CRACR2A: variants seen among roughly 807,000 people sequenced by gnomAD.
The protein encoded by CRACR2A is EF-hand calcium-binding domain-containing protein 4B.
In CRACR2A, 79 loss-of-function variants were observed where a neutral mutation model predicts 90.5. That is an observed-to-expected ratio of 0.87 (90% CI 0.73 to 1.05). CRACR2A has a LOEUF of 1.05. CRACR2A is among the 50% of genes least tolerant of loss of function. CRACR2A has a pLI of 0.00. For missense variants in CRACR2A, 823 were observed against 897.2 expected (o/e 0.92, Z 1.06); for synonymous variants, 338 against 356.7 (o/e 0.95, Z 0.59).
chr12:3,619,453 G>T, intron 17 of CRACR2A, 81 bp from the exon 18 acceptor site: 1 of 1,094,474 alleles, frequency 9.1e-7, no homozygotes, highest in Non-Finnish European at 1.4e-6. Flanking sequence ...CGGCTGGACA[G>T]ATGGGACCTC....
intron 4 of CRACR2A, among the ~76,000 whole-genome samples, chr12:3,693,675 C>T (rs994703003): frequency 1.1e-4 from 17 of 152,192 alleles, no homozygotes; most frequent in African/African-American, 4.1e-4. Flanking sequence ...ACTGAGAAGT[C>T]TGCTGTTAGT....
intron 5 of CRACR2A, among the ~76,000 whole-genome samples, chr12:3,679,630 C>A (rs1296392608): frequency 6.6e-6 from 1 of 152,194 alleles, no homozygotes; most frequent in Non-Finnish European, 1.5e-5. Flanking sequence ...TCAGGAAAGG[C>A]ATCAGATACT....
chr12:3,739,908 T>C (rs970817008), intron 1 of CRACR2A, among the ~76,000 whole-genome samples: 2 of 145,480 alleles, frequency 1.4e-5, no homozygotes, highest in Non-Finnish European at 3.0e-5. Flanking sequence ...CACTCCAGCC[T>C]GGCGACAGAG....
In CRACR2A at chr12:3,647,829, C is replaced by G. The variant is rs894009470; in HGVS notation, c.1118+713G>C. 1.7e-5 allele frequency: 17 copies of G among 983,472 alleles called. No individual in the cohort carries two copies. The African/African-American group carries it at 2.8e-4, about 16-fold the overall frequency. The allele number at this position is 983,472 out of a possible 1,614,324, so 60.9% of individuals were successfully genotyped here. A position where few individuals can be genotyped will look rare whatever the true frequency, so the allele number is the denominator to read the frequency against. Reference sequence around the variant, plus strand: ...AGTCCTTCTGTTTCCTCACCATTCCCCAAGAGGTGCTCAGCAGGCAGTGAC... The same window carrying G: ...AGTCCTTCTGTTTCCTCACCATTCCGCAAGAGGTGCTCAGCAGGCAGTGAC... On this transcript the variant is annotated intron_variant, in intron 11 of 19. Transcript: ENST00000440314.
chr12:3,676,016 T>A (rs1945329627), intron 6 of CRACR2A, among the ~76,000 whole-genome samples: 1 of 152,054 alleles, frequency 6.6e-6, no homozygotes, highest in South Asian at 2.1e-4. Flanking sequence ...TAACACTTCA[T>A]CCCTCTCTCC....
intron 4 of CRACR2A, 72 bp from the exon 5 acceptor site, chr12:3,680,421 G>A: frequency 7.5e-7 from 1 of 1,327,826 alleles, no homozygotes; most frequent in Non-Finnish European, 1.1e-6. Flanking sequence ...GGACTGCAGA[G>A]CCTTCTGCCA....
intron 6 of CRACR2A, 48 bp from the exon 7 acceptor site, chr12:3,673,640 CG>C: frequency 1.9e-6 from 3 of 1,595,686 alleles, no homozygotes; most frequent in Non-Finnish European, 2.6e-6. Flanking sequence ...TGAGGCTTCA[CG>C]GGAAATACAG....
intron 17 of CRACR2A, among the ~76,000 whole-genome samples, chr12:3,622,356 A>C (rs1215474152): frequency 6.6e-6 from 1 of 152,220 alleles, no homozygotes; most frequent in Admixed American, 6.5e-5. Flanking sequence ...CCATCTCTCC[A>C]TGTGACTCAT....
At chr12:3,693,600 A>G (rs1028194662) in intron 4 of CRACR2A, among the ~76,000 whole-genome samples, 3 of 152,192 alleles carry the variant, frequency 2.0e-5, no homozygotes, top group African/African-American at 7.2e-5. Flanking sequence ...ATTCTGGGTT[A>G]GAATTTCTTC....
At chr12:3,654,172 G>A (rs1565475897) in intron 10 of CRACR2A, 40 bp downstream of exon 10, 1 of 1,597,882 alleles carries the variant, frequency 6.3e-7, no homozygotes, top group African/African-American at 1.4e-5. Context: ...GGGGAGTGGT[G>A]CGGGAAGACA....
chr12:3,735,034 AATGGTAACT>A (rs1946428095), intron 1 of CRACR2A, among the ~76,000 whole-genome samples: 1 of 152,208 alleles, frequency 6.6e-6, no homozygotes, highest in East Asian at 1.9e-4. Context: ...CATACACAAA[AATGGTAACT>A]AGGTGGGGTG....
chr12:3,649,589 T>C (rs911150728), intron 10 of CRACR2A, among the ~76,000 whole-genome samples: 2 of 152,196 alleles, frequency 1.3e-5, no homozygotes, highest in Admixed American at 6.5e-5. Context: ...TGTGCAAACG[T>C]GTTAATTATA....
At position 3,633,579 on chromosome 12, in the gene CRACR2A, A is replaced by T. The variant is rs1591641848; in HGVS notation, c.1735+25T>A. On this transcript the variant is annotated intron_variant, in intron 15 of 19. Transcript: ENST00000440314. This position sits in a 1 kb window ranked among gnomAD's most constrained non-coding sequence, Gnocchi z 4.5. Reference sequence around the variant, plus strand: ...CTCCCTTCCCAAAGATGGGCCTAGGACCCACCTCAGGGATGAGAACTCACC... The same window carrying T: ...CTCCCTTCCCAAAGATGGGCCTAGGTCCCACCTCAGGGATGAGAACTCACC... 6.4e-7 allele frequency: 1 copy of T among 1,551,368 alleles called. No individual in the cohort carries two copies. Among genetic ancestry groups the T allele is most frequent in the African/African-American group, 1.4e-5 (1 of 72,982 alleles).
At chr12:3,682,565 T>G (rs1019678326) in intron 4 of CRACR2A, among the ~76,000 whole-genome samples, 2 of 152,224 alleles carry the variant, frequency 1.3e-5, no homozygotes, top group Non-Finnish European at 2.9e-5. Flanking sequence ...AAGTCAGCGC[T>G]GAGTGCTTCT....
At chr12:3,643,821 A>G (rs1230050628) in intron 12 of CRACR2A, among the ~76,000 whole-genome samples, 2 of 110,998 alleles carry the variant, frequency 1.8e-5, no homozygotes, top group African/African-American at 7.0e-5. Context: ...ATATATTTAT[A>G]TTATATATAA....
intron 17 of CRACR2A, among the ~76,000 whole-genome samples, chr12:3,625,865 C>G (rs1315687460): frequency 6.6e-6 from 1 of 151,836 alleles, no homozygotes; most frequent in Non-Finnish European, 1.5e-5. Context: ...TGCTTAACTT[C>G]TGCAAAGAAG....
chr12:3,668,330 G>A (rs1343360614), intron 7 of CRACR2A, among the ~76,000 whole-genome samples: 1 of 152,180 alleles, frequency 6.6e-6, no homozygotes, highest in Non-Finnish European at 1.5e-5. Flanking sequence ...TCAGAGTGTG[G>A]TCTACAGCCT....
chr12:3,744,901 C>T (rs1380926666), intron 1 of CRACR2A, among the ~76,000 whole-genome samples: 1 of 152,182 alleles, frequency 6.6e-6, no homozygotes, highest in Non-Finnish European at 1.5e-5. Flanking sequence ...CTTACTGCCA[C>T]TGCGCAGTAT....
At chr12:3,720,824 G>A (rs952297402) in intron 2 of CRACR2A, among the ~76,000 whole-genome samples, 2 of 152,166 alleles carry the variant, frequency 1.3e-5, no homozygotes, top group African/African-American at 2.4e-5. Flanking sequence ...CAGGTGAAAC[G>A]CCAACATTAT....
Sources: allele counts gnomAD v4.1 joint callset (sites outside exome capture counted in the v4.1 genomes callset), GRCh38; gene constraint gnomAD v4.1.1; non-coding constraint Gnocchi (gnomAD v3.1); transcripts MANE v1.5; gene names NCBI Gene and HGNC (gene_info 2026-07-23, HGNC 2026-07-21).